Variants in KCNQ5 observed in about 807,000 individuals in gnomAD.
KCNQ5 encodes potassium voltage-gated channel subfamily Q member 5.
KCNQ5 carries 30 observed loss-of-function variants against 98.2 expected under a neutral mutation model. The ratio of observed to expected loss-of-function variants is 0.31; its 90% CI spans 0.23 to 0.41. The LOEUF is 0.41. KCNQ5 is among the 10% of genes least tolerant of loss of function. KCNQ5 has a pLI of 1.00. For missense variants in KCNQ5, 835 were observed against 1,182.5 expected (o/e 0.71, Z 4.31); for synonymous variants, 458 against 449.4 (o/e 1.02, Z -0.24).
chr6:72,878,571 T>C (rs1416726102), intron 1 of KCNQ5, among the ~76,000 whole-genome samples: 1 of 152,152 alleles, frequency 6.6e-6, no homozygotes, highest in Non-Finnish European at 1.5e-5. Context: ...CTGGGTACTT[T>C]TATGGAATAT....
At chr6:73,072,603 G>A (rs182263503) in intron 3 of KCNQ5, among the ~76,000 whole-genome samples, 62 of 152,292 alleles carry the variant, frequency 4.1e-4, no homozygotes, top group African/African-American at 1.5e-3. Context: ...CTTGAGCAAA[G>A]TTCCAGTGGC....
At chr6:72,943,580 A>G (rs552397926) in intron 1 of KCNQ5, among the ~76,000 whole-genome samples, 1 of 152,376 alleles carries the variant, frequency 6.6e-6, no homozygotes, top group East Asian at 1.9e-4. Flanking sequence ...AATAAATTCT[A>G]GGAGTAGTTT....
At chr6:73,160,215 A>C (rs1243992070) in intron 10 of KCNQ5, among the ~76,000 whole-genome samples, 1 of 150,992 alleles carries the variant, frequency 6.6e-6, no homozygotes, top group Admixed American at 6.6e-5. Flanking sequence ...ACGGGGTTTC[A>C]CCGTGTTAGC....
intron 1 of KCNQ5, among the ~76,000 whole-genome samples, chr6:72,672,648 GA>G (rs1767188400): frequency 6.6e-6 from 1 of 152,056 alleles, no homozygotes; most frequent in African/African-American, 2.4e-5. Context: ...CTCATCTGAG[GA>G]AAATGGAAGC....
intron 1 of KCNQ5, among the ~76,000 whole-genome samples, chr6:72,808,955 A>G (rs9350472): frequency 0.74 from 110,123 of 148,880 alleles, 41,844 homozygotes; most frequent in African/African-American, 0.93. Context: ...TGTTTATTGC[A>G]GCATTATTCA....
chr6:72,707,788 C>T (rs1306983957), intron 1 of KCNQ5, among the ~76,000 whole-genome samples: 6 of 152,064 alleles, frequency 3.9e-5, no homozygotes, highest in African/African-American at 1.2e-4. Context: ...ATCATAGCTC[C>T]CTGCAACCTC....
chr6:73,052,624 A>C (rs904236693), intron 3 of KCNQ5, among the ~76,000 whole-genome samples: 3 of 152,254 alleles, frequency 2.0e-5, no homozygotes. Context: ...CAAGAATTTC[A>C]TATCCAGCCA....
At chr6:72,953,900 C>T (rs1269081529) in intron 1 of KCNQ5, among the ~76,000 whole-genome samples, 2 of 152,096 alleles carry the variant, frequency 1.3e-5, no homozygotes, top group Non-Finnish European at 2.9e-5. Context: ...GCCAATATTT[C>T]ACTCACAATC....
At chr6:73,005,705 C>T (rs1769782472) in intron 2 of KCNQ5, among the ~76,000 whole-genome samples, 1 of 152,156 alleles carries the variant, frequency 6.6e-6, no homozygotes, top group African/African-American at 2.4e-5. Context: ...ATGTAGATGT[C>T]AGTCTTGAAT....
intron 1 of KCNQ5, among the ~76,000 whole-genome samples, chr6:72,729,262 A>G (rs1770435677): frequency 6.6e-6 from 1 of 152,198 alleles, no homozygotes; most frequent in South Asian, 2.1e-4. Context: ...TAAGAAAAAA[A>G]TTATAAAAGT....
At chr6:72,719,920 C>T (rs899763611) in intron 1 of KCNQ5, among the ~76,000 whole-genome samples, 5 of 152,162 alleles carry the variant, frequency 3.3e-5, no homozygotes, top group African/African-American at 4.8e-5. Flanking sequence ...CTCAGGTCAT[C>T]GAATAATTTG....
intron 1 of KCNQ5, chr6:72,987,882 C>A (rs1271854510): frequency 3.3e-6 from 1 of 306,778 alleles, no homozygotes; most frequent in Admixed American, 3.7e-5. Flanking sequence ...ATAAATAACT[C>A]CCATAAACTT....
chr6:72,961,871 T>C (rs1767373679), intron 1 of KCNQ5, among the ~76,000 whole-genome samples: 1 of 151,818 alleles, frequency 6.6e-6, no homozygotes, highest in Non-Finnish European at 1.5e-5. Context: ...AAACCACATG[T>C]TCTCACTTGT....
At chr6:72,965,714 A>G (rs1767572533) in intron 1 of KCNQ5, among the ~76,000 whole-genome samples, 1 of 152,190 alleles carries the variant, frequency 6.6e-6, no homozygotes, top group South Asian at 2.1e-4. Flanking sequence ...TTCCACAATC[A>G]AGTTGCTATT....
At chr6:72,963,536 T>C (rs1311479087) in intron 1 of KCNQ5, among the ~76,000 whole-genome samples, 1 of 152,054 alleles carries the variant, frequency 6.6e-6, no homozygotes. Context: ...TGGAAAGGAG[T>C]ATTGTTTAGC....
At chr6:72,770,229 G>A (rs1250562528) in intron 1 of KCNQ5, among the ~76,000 whole-genome samples, 1 of 152,254 alleles carries the variant, frequency 6.6e-6, no homozygotes, top group Non-Finnish European at 1.5e-5. Context: ...ATCCAAAAAT[G>A]AGAGCAATGG....
At chr6:72,886,318 A>G (rs1017900081) in intron 1 of KCNQ5, among the ~76,000 whole-genome samples, 1 of 152,176 alleles carries the variant, frequency 6.6e-6, no homozygotes, top group East Asian at 1.9e-4. Context: ...ATGTGTATGT[A>G]TGTGTGTGTG....
At chr6:72,872,009 G>C (rs1196035818) in intron 1 of KCNQ5, among the ~76,000 whole-genome samples, 1 of 152,170 alleles carries the variant, frequency 6.6e-6, no homozygotes, top group Non-Finnish European at 1.5e-5. Context: ...AGAAAGAGCA[G>C]CAAAACAAAT....
chr6:73,035,985 TTGTGTGTGTGTG>T (rs70994155), intron 2 of KCNQ5, among the ~76,000 whole-genome samples: 276 of 140,530 alleles, frequency 2.0e-3, no homozygotes, highest in Non-Finnish European at 2.5e-3. Context: ...TTGAATACAT[TTGTGTGTGTGTG>T]TGTGTGTGTG....
Sources: gnomAD v4.1 joint callset for allele counts (sites outside exome capture counted in the v4.1 genomes callset) on GRCh38, gnomAD v4.1.1 for gene constraint, MANE v1.5 for transcripts, NCBI Gene and HGNC (gene_info 2026-07-23, HGNC 2026-07-21) for gene names.